Variants in NAA11 observed in about 807,000 individuals in gnomAD.
NAA11 encodes the protein N-alpha-acetyltransferase 11.
In NAA11, 15 loss-of-function variants were observed where a neutral mutation model predicts 16.1. The ratio of observed to expected loss-of-function variants is 0.93; its 90% CI spans 0.62 to 1.44. NAA11 has a LOEUF of 1.44. Ranked by LOEUF, NAA11 falls within the 40% of genes most tolerant of loss-of-function variation. The pLI is 0.00. For synonymous variants in NAA11, 122 were observed against 112.4 expected, an observed-to-expected ratio of 1.09 and a Z score of -0.54; for missense variants, 298 against 291.3, an observed-to-expected ratio of 1.02 and a Z score of -0.17.
the NAA11 span, among the ~76,000 whole-genome samples, chr4:79,204,976 G>T: frequency 6.9e-6 from 1 of 144,362 alleles, no homozygotes; most frequent in East Asian, 2.0e-4. Flanking sequence ...TGGTGTGGGT[G>T]TGTGTATATG....
chr4:79,218,421 T>C, the NAA11 span, among the ~76,000 whole-genome samples: 2 of 152,020 alleles, frequency 1.3e-5, no homozygotes, highest in African/African-American at 2.4e-5. Flanking sequence ...TTTTTACATA[T>C]ACAACTCCAT....
intron 2 of NAA11, among the ~76,000 whole-genome samples, chr4:79,255,554 C>T (rs1722089717): frequency 6.6e-6 from 1 of 152,140 alleles, no homozygotes. Flanking sequence ...TTGTAAACTG[C>T]ATTTAATTGT....
At chr4:79,167,389 C>T in the NAA11 span, among the ~76,000 whole-genome samples, 2 of 148,934 alleles carry the variant, frequency 1.3e-5, no homozygotes, top group South Asian at 4.3e-4. Flanking sequence ...GTTATAAAAG[C>T]TCTTAACATC....
At chr4:79,260,044 A>T (rs76907134) in intron 2 of NAA11, among the ~76,000 whole-genome samples, 1 of 152,280 alleles carries the variant, frequency 6.6e-6, no homozygotes, top group Non-Finnish European at 1.5e-5. Context: ...TTCACCCTCT[A>T]TGGGACTGGG....
intron 1 of NAA11, chr4:79,305,040 G>A (rs950266586): frequency 1.3e-5 from 2 of 152,152 alleles, no homozygotes; most frequent in African/African-American, 4.8e-5. Context: ...GACTGGCAGT[G>A]GTACCTCATG....
chr4:79,220,363 G>T, the NAA11 span, among the ~76,000 whole-genome samples: 1 of 152,112 alleles, frequency 6.6e-6, no homozygotes, highest in Admixed American at 6.6e-5. Flanking sequence ...AAAGTGCTGG[G>T]ATTACAGACA....
intron 2 of NAA11, among the ~76,000 whole-genome samples, chr4:79,249,487 C>T (rs1307680105): frequency 6.6e-6 from 1 of 152,182 alleles, no homozygotes; most frequent in Non-Finnish European, 1.5e-5. Flanking sequence ...GCATTAACAG[C>T]AGAATTGACC....
chr4:79,207,020 G>T, the NAA11 span, among the ~76,000 whole-genome samples: 1 of 151,994 alleles, frequency 6.6e-6, no homozygotes, highest in African/African-American at 2.4e-5. Context: ...TTGGTGTATA[G>T]TAGTGCTACT....
At chr4:79,274,799 T>A (rs1431100046) in intron 2 of NAA11, among the ~76,000 whole-genome samples, 2 of 152,070 alleles carry the variant, frequency 1.3e-5, no homozygotes, top group Non-Finnish European at 2.9e-5. Flanking sequence ...CTGGATATAG[T>A]CTCGAGCAGC....
intron 2 of NAA11, among the ~76,000 whole-genome samples, chr4:79,253,891 T>C (rs922285902): frequency 6.6e-6 from 1 of 152,260 alleles, no homozygotes; most frequent in Non-Finnish European, 1.5e-5. Context: ...ATGAGCTTTC[T>C]GTCAGGAGGG....
the NAA11 span, among the ~76,000 whole-genome samples, chr4:79,188,316 T>G: frequency 6.6e-6 from 1 of 152,036 alleles, no homozygotes; most frequent in African/African-American, 2.4e-5. Context: ...CCGGGCGCGG[T>G]GGCTCACGCC....
chr4:79,246,322 A>G (rs1404423048), intron 2 of NAA11, among the ~76,000 whole-genome samples: 1 of 148,426 alleles, frequency 6.7e-6, no homozygotes, highest in African/African-American at 2.5e-5. Context: ...CTATTGTCCT[A>G]TGACCCTGCC....
intron 2 of NAA11, among the ~76,000 whole-genome samples, chr4:79,269,646 G>T (rs1722441630): frequency 1.4e-5 from 2 of 147,296 alleles, no homozygotes; most frequent in Admixed American, 1.4e-4. Flanking sequence ...CTCCCATTTT[G>T]TAGGTTGCCT....
At chr4:79,297,741 G>A (rs371974957) in intron 1 of NAA11, among the ~76,000 whole-genome samples, 4 of 152,318 alleles carry the variant, frequency 2.6e-5, no homozygotes, top group African/African-American at 7.2e-5. Flanking sequence ...AGGGCAGCTC[G>A]GCGCTGGCCT....
chr4:79,176,652 C>T, the NAA11 span, among the ~76,000 whole-genome samples: 1 of 152,172 alleles, frequency 6.6e-6, no homozygotes. Context: ...CAGAAACATC[C>T]AGAATAATGT....
intron 2 of NAA11, among the ~76,000 whole-genome samples, chr4:79,236,201 A>G (rs1437248162): frequency 6.6e-6 from 1 of 152,174 alleles, no homozygotes; most frequent in Non-Finnish European, 1.5e-5. Context: ...TGACAAAATT[A>G]CAGATATTTT....
At chr4:79,308,845 T>C (rs1578191602) in intron 1 of NAA11, 1 of 152,180 alleles carries the variant, frequency 6.6e-6, no homozygotes, top group Non-Finnish European at 1.5e-5. Context: ...AATCAACTAA[T>C]GTGTTAGACT....
At chr4:79,216,564 T>G in the NAA11 span, among the ~76,000 whole-genome samples, 1 of 152,246 alleles carries the variant, frequency 6.6e-6, no homozygotes, top group Non-Finnish European at 1.5e-5. Context: ...GAGGGCTGAG[T>G]GACATTTTTG....
chr4:79,297,626 G>A (rs1326369270), intron 1 of NAA11, among the ~76,000 whole-genome samples: 2 of 152,228 alleles, frequency 1.3e-5, no homozygotes, highest in African/African-American at 4.8e-5. Flanking sequence ...ATCCAGGTGT[G>A]CACTCACTCG....
Sources: allele counts gnomAD v4.1 joint callset (sites outside exome capture counted in the v4.1 genomes callset), GRCh38; gene constraint gnomAD v4.1.1; transcripts MANE v1.5; gene names NCBI Gene and HGNC (gene_info 2026-07-23, HGNC 2026-07-21).